ZNF462: variants seen among roughly 807,000 people sequenced by gnomAD.
ZNF462 encodes zinc finger PBX1-interacting protein.
ZNF462 carries 10 observed loss-of-function variants against 201.9 expected under a neutral mutation model. The ratio of observed to expected loss-of-function variants is 0.05; its 90% CI spans 0.03 to 0.08. The LOEUF (loss-of-function observed/expected upper bound fraction) is 0.08. Ranked by LOEUF, ZNF462 falls within the 10% of genes least tolerant of loss-of-function variation. The pLI is 1.00. For missense variants in ZNF462, 2,523 were observed against 3,168.3 expected (o/e 0.80, Z 4.89); for synonymous variants, 1,227 against 1,193.3 (o/e 1.03, Z -0.58).
chr9:106,907,567 C>A (rs940899780), intron 1 of ZNF462, among the ~76,000 whole-genome samples: 1 of 151,820 alleles, frequency 6.6e-6, no homozygotes, highest in African/African-American at 2.4e-5. Context: ...ATAGTGTCTA[C>A]TTCTTATACT....
At chr9:106,980,823 C>T (rs1179478726) in intron 9 of ZNF462, among the ~76,000 whole-genome samples, 1 of 152,108 alleles carries the variant, frequency 6.6e-6, no homozygotes, top group Non-Finnish European at 1.5e-5. Context: ...AGTTTTCACC[C>T]AAGGTAATTT....
intron 6 of ZNF462, among the ~76,000 whole-genome samples, chr9:106,936,465 A>G (rs1395031594): frequency 1.3e-5 from 2 of 152,060 alleles, no homozygotes; most frequent in Non-Finnish European, 2.9e-5. Context: ...ATGTCTCTTC[A>G]TTGTCTTCTG....
Position 107,005,719 on chromosome 9 carries a change from G to T in ZNF462, c.7189+2293G>T, listed in dbSNP as rs886355753. Among the ~76,000 whole-genome samples the T allele has an allele frequency of 1.3e-5, 2 of 152,104 alleles. No homozygotes were observed. The highest frequency in any genetic ancestry group is 4.8e-5 in the African/African-American group (2 of 41,428). ...CTGTTTATCTGTTTTTGCTTTTGTT[G>T]CCCATGCTTTTGAGGTCATATCCAA... On this transcript the variant is annotated intron_variant, in intron 11 of 12. Transcript: ENST00000277225. The surrounding 1 kb of genome is among the most constrained non-coding windows in gnomAD (Gnocchi z 4.4).
intron 1 of ZNF462, among the ~76,000 whole-genome samples, chr9:106,889,961 G>A (rs912986648): frequency 2.6e-5 from 4 of 152,158 alleles, no homozygotes; most frequent in African/African-American, 9.7e-5. Context: ...CAGGGTAACT[G>A]CCTTAAGAAG....
chr9:106,958,937 G>A (rs1311313045), intron 7 of ZNF462, among the ~76,000 whole-genome samples: 3 of 152,086 alleles, frequency 2.0e-5, no homozygotes, highest in Non-Finnish European at 2.9e-5. Context: ...GCTCAAAGCT[G>A]CAGGTAATCT....
In ZNF462 at chr9:107,012,804, G is replaced by A. The variant is rs1830001709; in HGVS notation, c.*1774G>A. The A allele has an allele frequency of 6.6e-6, 1 of 151,480 alleles. No homozygotes were observed. The highest frequency in any genetic ancestry group is 2.4e-5 in the African/African-American group (1 of 41,284). The allele number at this position is 151,480 out of a possible 1,614,324, so 9.4% of individuals were successfully genotyped here. Reference sequence around the variant, plus strand: ...TGCTGAGATGACAGTGTCCCACACAGCTTCAAATAAAATCCATGGAAAGAT... The same window carrying A: ...TGCTGAGATGACAGTGTCCCACACAACTTCAAATAAAATCCATGGAAAGAT... On this transcript the variant is annotated 3_prime_UTR_variant, in exon 13 of 13. Transcript: ENST00000277225.
intron 10 of ZNF462, among the ~76,000 whole-genome samples, chr9:106,996,278 G>A (rs1358099826): frequency 2.6e-5 from 4 of 152,118 alleles, no homozygotes; most frequent in Non-Finnish European, 5.9e-5. Flanking sequence ...ATAAACATAC[G>A]TGTGCATGTG....
rs1442586444 is a variant in ZNF462, at chr9:106,974,110, C to T, written c.6696-27C>T. 3 of 1,613,622 alleles carry T rather than the reference C, an allele frequency of 1.9e-6. No individual in the cohort carries two copies. Among genetic ancestry groups the T allele is most frequent in the Non-Finnish European group, 2.5e-6 (3 of 1,179,872 alleles). ...TGCAATGATCCCTGGTTACACGCAT[C>T]ACCTCTCCTCCCAAACTCTCTCCTA... is the stretch of plus-strand genomic sequence containing the variant. On this transcript the variant is annotated intron_variant, in intron 8 of 12. Transcript: ENST00000277225. The surrounding 1 kb of genome is among the most constrained non-coding windows in gnomAD (Gnocchi z 4.0).
Position 106,933,847 on chromosome 9 carries a change from G to A in ZNF462, c.6116+1298G>A, listed in dbSNP as rs1030087279. Among the ~76,000 whole-genome samples the A allele has an allele frequency of 1.3e-5, 2 of 152,128 alleles. No individual in the cohort carries two copies. Among genetic ancestry groups the A allele is most frequent in the Non-Finnish European group, 2.9e-5 (2 of 68,014 alleles). ...TTTGGAAAGGACATATGATGTAGAG[G>A]AAAAGCTGAGGGAGGAGACCATGAA... On this transcript the variant is annotated intron_variant, in intron 5 of 12. Transcript: ENST00000277225. The surrounding 1 kb of genome is among the most constrained non-coding windows in gnomAD (Gnocchi z 4.3).
In ZNF462 at chr9:106,970,835, T is replaced by TC. The variant is rs140826860; in HGVS notation, c.6428-1170_6428-1169insC. Among the ~76,000 whole-genome samples, 28,472 of 151,648 alleles carry TC rather than the reference T, an allele frequency of 0.19. 3,511 individuals are homozygous for TC. The highest frequency in any genetic ancestry group is 0.36 in the African/African-American group (14,657 of 41,216). ...TTATTTATTTTTACTTTTTTTTCTC[T>TC]TCTTTTTTTTTAATTCAAAGAAGAA... On this transcript the variant is annotated intron_variant, in intron 7 of 12. Transcript: ENST00000277225. The surrounding 1 kb of genome is among the most constrained non-coding windows in gnomAD (Gnocchi z 4.2).
Position 106,972,400 on chromosome 9 carries a change from G to A in ZNF462, c.6695+128G>A. On this transcript the variant is annotated intron_variant, in intron 8 of 12. Coordinates refer to ENST00000277225, the MANE Select transcript of ZNF462 (RefSeq NM_021224.6). This position sits in a 1 kb window ranked among gnomAD's most constrained non-coding sequence, Gnocchi z 4.8. ...GCCCTGCCCATGTGATGATGTAGGG[G>A]TTGGGTCCAGGCTTCATGGAAGGAG... 2.2e-6 allele frequency: 3 copies of A among 1,343,580 alleles called. No homozygotes were observed. Among genetic ancestry groups the A allele is most frequent in the Non-Finnish European group, 3.0e-6 (3 of 992,330 alleles). The allele number at this position is 1,343,580 out of a possible 1,614,324, so 83.2% of individuals were successfully genotyped here.
rs1333996389 is a variant in ZNF462, at chr9:106,981,695, A to C, written c.6833-2491A>C. On this transcript the variant is annotated intron_variant, in intron 9 of 12. Coordinates refer to ENST00000277225, the MANE Select transcript of ZNF462 (RefSeq NM_021224.6). The surrounding 1 kb of genome is among the most constrained non-coding windows in gnomAD (Gnocchi z 4.0). ...AATTCACTTAGACACACATAGTGAA[A>C]TTGGAAACTGCAAAGAAAACCAACC... 1.3e-5 allele frequency among the ~76,000 whole-genome samples: 2 copies of C among 152,210 alleles called. No homozygotes were observed. The highest frequency in any genetic ancestry group is 4.8e-5 in the African/African-American group (2 of 41,446).
At position 106,935,175 on chromosome 9, in the gene ZNF462, C is replaced by G. The variant is rs755100075; in HGVS notation, c.6117-328C>G. On this transcript the variant is annotated intron_variant, in intron 5 of 12. Coordinates refer to ENST00000277225, the MANE Select transcript of ZNF462 (RefSeq NM_021224.6). This position sits in a 1 kb window ranked among gnomAD's most constrained non-coding sequence, Gnocchi z 4.1. ...GGCTTGGCAGGAAGCTTGAATTCAC[C>G]CATATTGTACCTTCTCTTTAGATAC... Among the ~76,000 whole-genome samples, 7 of 152,086 alleles carry G rather than the reference C, an allele frequency of 4.6e-5. No homozygotes were observed. The highest frequency in any genetic ancestry group is 7.4e-5 in the Non-Finnish European group (5 of 68,016).
intron 10 of ZNF462, among the ~76,000 whole-genome samples, chr9:106,988,551 AT>A (rs1474186816): frequency 5.3e-5 from 8 of 152,200 alleles, no homozygotes; most frequent in Admixed American, 5.2e-4. Context: ...GAACTTTAGA[AT>A]TGTTCTTTCT....
chr9:106,938,983 C>G lies in ZNF462; in HGVS notation c.6303C>G (p.His2101Gln). 1 of 1,613,994 alleles carries G rather than the reference C, an allele frequency of 6.2e-7. No homozygotes were observed. The highest frequency in any genetic ancestry group is 1.7e-5 in the Admixed American group (1 of 59,998). Residue 2101 changes from histidine to glutamine, a missense_variant, in exon 7 of 13, where the codon CAC becomes CAG. Around this residue, in one of 15 missense-constraint regions of ZNF462, gnomAD observed 138 missense variants for 146.3 expected, o/e 0.94. Coordinates refer to ENST00000277225, the MANE Select transcript of ZNF462 (RefSeq NM_021224.6). The surrounding 1 kb of genome is among the most constrained non-coding windows in gnomAD (Gnocchi z 4.4). Reference sequence around the variant, plus strand: ...TGACAATCAGCCAGCTGAAGGAACACTCCCTCAAGGTCCACGGAAAAGCCC... The same window carrying G: ...TGACAATCAGCCAGCTGAAGGAACAGTCCCTCAAGGTCCACGGAAAAGCCC... ...STMTISQLKE[H>Q]SLKVHGKALT...
intron 1 of ZNF462, among the ~76,000 whole-genome samples, chr9:106,918,383 A>C (rs956907012): frequency 5.9e-5 from 9 of 152,216 alleles, no homozygotes; most frequent in African/African-American, 2.2e-4. Context: ...GTATAGATAT[A>C]TATATTTAGA....
At chr9:106,990,302 A>G (rs12553031) in intron 10 of ZNF462, among the ~76,000 whole-genome samples, 20,323 of 151,736 alleles carry the variant, frequency 0.13, 1,469 homozygotes, top group African/African-American at 0.17. Context: ...TACAATTTCA[A>G]TTTTCTTAAT....
Position 106,923,580 on chromosome 9 carries a change from T to C in ZNF462, c.197T>C (p.Phe66Ser). The C allele has an allele frequency of 6.2e-7, 1 of 1,614,226 alleles. No individual in the cohort carries two copies. The highest frequency in any genetic ancestry group is 8.5e-7 in the Non-Finnish European group (1 of 1,180,034). ...EVEFSSIKDE[F>S]AIAEDLSGQN... is the part of the protein sequence containing the mutation. Reference sequence around the variant, plus strand: ...GAGTTTTCTTCTATAAAGGATGAATTTGCCATTGCAGAAGATTTATCAGGT... The same window carrying C: ...GAGTTTTCTTCTATAAAGGATGAATCTGCCATTGCAGAAGATTTATCAGGT... The change falls in exon 2 of 13, where the codon TTT becomes TCT. Residue 66 changes from phenylalanine (F) to serine (S), a missense_variant. Phe to Ser is a radical substitution (Grantham distance 155). This residue lies in a region of ZNF462 where 480 missense variants were observed against 544.4 expected (regional missense o/e 0.88). Coordinates refer to ENST00000277225, the MANE Select transcript of ZNF462 (RefSeq NM_021224.6). This position sits in a 1 kb window ranked among gnomAD's most constrained non-coding sequence, Gnocchi z 5.6.
At chr9:106,877,435 C>T (rs1827883743) in intron 1 of ZNF462, among the ~76,000 whole-genome samples, 1 of 150,790 alleles carries the variant, frequency 6.6e-6, no homozygotes, top group East Asian at 2.0e-4. Flanking sequence ...GTTGCCCAGG[C>T]TGGAGTGCAG....
Sources: gnomAD v4.1 joint callset for allele counts (sites outside exome capture counted in the v4.1 genomes callset) on GRCh38, gnomAD v4.1.1 for gene constraint, gnomAD v4.1.1 regional missense constraint, Gnocchi (gnomAD v3.1) non-coding constraint, MANE v1.5 for transcripts, NCBI Gene and HGNC (gene_info 2026-07-23, HGNC 2026-07-21) for gene names.